The following LRRC4C variants were observed in gnomAD, a reference collection of about 807,000 sequenced individuals.
The protein encoded by LRRC4C is leucine-rich repeat-containing protein 4C.
In LRRC4C, 5 loss-of-function variants were observed where a neutral mutation model predicts 33.6. That is an observed-to-expected ratio of 0.15 (90% CI 0.08 to 0.31). The LOEUF (loss-of-function observed/expected upper bound fraction) is 0.31. Ranked by LOEUF, LRRC4C falls within the 10% of genes least tolerant of loss-of-function variation. LRRC4C has a pLI of 1.00. For synonymous variants in LRRC4C, 329 were observed against 302.0 expected, an observed-to-expected ratio of 1.09 and a Z score of -0.93; for missense variants, 560 against 796.7, an observed-to-expected ratio of 0.70 and a Z score of 3.58.
At position 41,321,501 on chromosome 11, in the gene LRRC4C, A is replaced by G. The variant is rs532028927; in HGVS notation, c.-496+137930T>C. Among the ~76,000 whole-genome samples the G allele has an allele frequency of 1.1e-4, 16 of 152,302 alleles. No homozygotes were observed. The South Asian group carries it at 1.7e-3, about 16-fold the overall frequency. ...CAATTTCAAAAGGACCGTAGAATTC[A>G]ACTAATTCTATCTCTCAAATCTGCA... On this transcript the variant is annotated intron_variant, in intron 1 of 6. Transcript: ENST00000528697.
At chr11:41,369,392 G>GGGTAT (rs1290825841) in intron 1 of LRRC4C, among the ~76,000 whole-genome samples, 3 of 152,092 alleles carry the variant, frequency 2.0e-5, no homozygotes, top group Admixed American at 2.0e-4. Flanking sequence ...GTGGAGGGTA[G>GGGTAT]AGGGTGAGAG....
At chr11:40,117,018 C>G (rs529900865) in intron 6 of LRRC4C, among the ~76,000 whole-genome samples, 2 of 152,310 alleles carry the variant, frequency 1.3e-5, no homozygotes, top group South Asian at 2.1e-4. Flanking sequence ...CCTTACAACA[C>G]TTCTCTGAAG....
At chr11:40,775,489 A>G (rs1949954442) in intron 2 of LRRC4C, among the ~76,000 whole-genome samples, 2 of 151,520 alleles carry the variant, frequency 1.3e-5, no homozygotes, top group African/African-American at 2.4e-5. Context: ...CTGTCCTTGC[A>G]TGTGAAAGTT....
In LRRC4C at chr11:41,279,430, C is replaced by T. The variant is rs942163638; in HGVS notation, c.-496+180001G>A. ...CACACACACACACACACACACACACCGTGGCAATCACTGCCTGCAATGGGT... is the reference window on the plus strand; with the variant it reads ...CACACACACACACACACACACACACTGTGGCAATCACTGCCTGCAATGGGT... On this transcript the variant is annotated intron_variant, in intron 1 of 6. Coordinates refer to ENST00000528697, the MANE Select transcript of LRRC4C (RefSeq NM_001258419.2). Among the ~76,000 whole-genome samples the T allele has an allele frequency of 6.6e-3, 611 of 92,648 alleles. 8 individuals carry two copies. Among genetic ancestry groups the T allele is most frequent in the African/African-American group, 0.018 (569 of 30,796 alleles). 60.8% of individuals were successfully genotyped at this position (92,648 alleles called of 152,430 possible). A position where few individuals can be genotyped will look rare whatever the true frequency, so the allele number is the denominator to read the frequency against.
At chr11:40,229,600 C>T (rs774151382) in intron 5 of LRRC4C, among the ~76,000 whole-genome samples, 3 of 152,126 alleles carry the variant, frequency 2.0e-5, no homozygotes, top group Non-Finnish European at 2.9e-5. Context: ...TAGCAGCCCA[C>T]ATATTTGTCA....
At chr11:40,794,385 A>C (rs1318832162) in intron 2 of LRRC4C, among the ~76,000 whole-genome samples, 12 of 104,032 alleles carry the variant, frequency 1.2e-4, no homozygotes, top group African/African-American at 6.3e-4. Flanking sequence ...AAAAAAAAAA[A>C]AAAAAAAAAA....
rs572144481 is a variant in LRRC4C, at chr11:40,912,370, G to C, written c.-407+21265C>G. ...CTCTCAGCAGAAACTCTACAAGCCAGAAGAAAGTTGGGGCCAATATTCAAC... is the reference window on the plus strand; with the variant it reads ...CTCTCAGCAGAAACTCTACAAGCCACAAGAAAGTTGGGGCCAATATTCAAC... On this transcript the variant is annotated intron_variant, in intron 2 of 6. Transcript: ENST00000528697. Among the ~76,000 whole-genome samples the C allele has an allele frequency of 1.2e-4, 18 of 152,320 alleles. No homozygotes were observed. In the South Asian group the frequency reaches 3.5e-3, roughly 30 times the overall value.
chr11:40,694,785 C>A (rs2136430027), intron 2 of LRRC4C, among the ~76,000 whole-genome samples: 1 of 152,260 alleles, frequency 6.6e-6, no homozygotes, highest in South Asian at 2.1e-4. Context: ...AAGCATCACA[C>A]TGCACAAATT....
At chr11:40,783,295 A>T (rs1438370040) in intron 2 of LRRC4C, among the ~76,000 whole-genome samples, 1 of 147,944 alleles carries the variant, frequency 6.8e-6, no homozygotes, top group Admixed American at 6.7e-5. Context: ...ATTTTATTTT[A>T]TTTTATTTTT....
intron 1 of LRRC4C, among the ~76,000 whole-genome samples, chr11:41,350,792 A>G (rs1263242993): frequency 6.6e-6 from 1 of 152,212 alleles, no homozygotes; most frequent in Non-Finnish European, 1.5e-5. Flanking sequence ...AGAGAGAACC[A>G]AACTAATCTT....
chr11:40,828,381 A>C (rs967285266), intron 2 of LRRC4C, among the ~76,000 whole-genome samples: 2 of 151,756 alleles, frequency 1.3e-5, no homozygotes, highest in African/African-American at 4.8e-5. Context: ...TACAAATAAT[A>C]TTTTGTAGTT....
chr11:40,287,883 T>A lies in LRRC4C; in HGVS notation c.-176+31745A>T, dbSNP rs74707594. On this transcript the variant is annotated intron_variant, in intron 4 of 6. Transcript: ENST00000528697. The stretch of plus-strand genomic sequence containing the variant: ...CCAAAAATGGTCATATCTATTTATA[T>A]GTTACTCCAACCTTAATCTTGTCTA... Among the ~76,000 whole-genome samples the A allele has an allele frequency of 1.1e-4, 17 of 152,370 alleles. 1 individual carries two copies. The East Asian group carries it at 3.3e-3, about 29-fold the overall frequency.
intron 2 of LRRC4C, among the ~76,000 whole-genome samples, chr11:40,699,708 T>A (rs1225116568): frequency 6.6e-6 from 1 of 152,186 alleles, no homozygotes; most frequent in Admixed American, 6.6e-5. Flanking sequence ...ACATATAATT[T>A]CTATTTACAT....
intron 1 of LRRC4C, among the ~76,000 whole-genome samples, chr11:41,190,634 A>G (rs935440624): frequency 6.6e-6 from 1 of 152,172 alleles, no homozygotes; most frequent in Non-Finnish European, 1.5e-5. Flanking sequence ...CGGTAAAATG[A>G]CGTATGCTCG....
chr11:40,359,663 A>T (rs953030763), intron 3 of LRRC4C, among the ~76,000 whole-genome samples: 1 of 152,132 alleles, frequency 6.6e-6, no homozygotes, highest in African/African-American at 2.4e-5. Context: ...CCTGCTTCAA[A>T]ATCTCCTGGA....
chr11:41,307,487 A>G (rs1950537506), intron 1 of LRRC4C, among the ~76,000 whole-genome samples: 1 of 152,228 alleles, frequency 6.6e-6, no homozygotes, highest in Non-Finnish European at 1.5e-5. Flanking sequence ...TTTTCTGTCA[A>G]GACTTCTAAG....
At chr11:40,438,033 A>G (rs1423847319) in intron 3 of LRRC4C, among the ~76,000 whole-genome samples, 20 of 152,290 alleles carry the variant, frequency 1.3e-4, no homozygotes, top group Admixed American at 1.3e-3. Flanking sequence ...GTATAAGGCA[A>G]TGCCCTTGAA....
At chr11:41,168,458 C>G (rs1944827752) in intron 1 of LRRC4C, among the ~76,000 whole-genome samples, 1 of 152,154 alleles carries the variant, frequency 6.6e-6, no homozygotes, top group African/African-American at 2.4e-5. Context: ...GGGATACCTA[C>G]TTGCAGTTTG....
chr11:41,178,558 T>C (rs533655012), intron 1 of LRRC4C, among the ~76,000 whole-genome samples: 1 of 152,222 alleles, frequency 6.6e-6, no homozygotes, highest in African/African-American at 2.4e-5. Flanking sequence ...GGTCTTGCCA[T>C]GTTGACCAGG....
Sources: gnomAD v4.1 joint callset for allele counts (sites outside exome capture counted in the v4.1 genomes callset) on GRCh38, gnomAD v4.1.1 for gene constraint, MANE v1.5 for transcripts, NCBI Gene and HGNC (gene_info 2026-07-23, HGNC 2026-07-21) for gene names.